Variants in BDKRB2 observed in about 807,000 individuals in gnomAD.
BDKRB2 encodes B2 bradykinin receptor.
In BDKRB2, 6 loss-of-function variants were observed where a neutral mutation model predicts 4.0. The ratio of observed to expected loss-of-function variants is 1.49; its 90% CI spans 0.81 to 2.93. The LOEUF (loss-of-function observed/expected upper bound fraction) is 2.93. BDKRB2 is among the 30% of genes most tolerant of loss of function. The probability of loss-of-function intolerance (pLI) is 0.00; values close to 1 mark genes in which losing one functional copy is unlikely to be tolerated. For synonymous variants in BDKRB2, 225 were observed against 215.3 expected, an observed-to-expected ratio of 1.05 and a Z score of -0.40; for missense variants, 478 against 520.1, an observed-to-expected ratio of 0.92 and a Z score of 0.79.
At chr14:96,226,336 G>A (rs11625552) in intron 1 of BDKRB2, among the ~76,000 whole-genome samples, 4,962 of 152,228 alleles carry the variant, frequency 0.033, 175 homozygotes, top group East Asian at 0.16. Flanking sequence ...ACCTGCAATG[G>A]AGCACTGTAG....
At chr14:96,239,182 A>C (rs910558932) in intron 2 of BDKRB2, 26 of 985,206 alleles carry the variant, frequency 2.6e-5, no homozygotes, top group Non-Finnish European at 3.1e-5. Context: ...CACTGGGAAA[A>C]TGCCCAATGA....
intron 1 of BDKRB2, among the ~76,000 whole-genome samples, chr14:96,224,887 G>A (rs746373256): frequency 1.3e-5 from 2 of 152,316 alleles, no homozygotes; most frequent in Non-Finnish European, 2.9e-5. Flanking sequence ...GAAGACAAAG[G>A]TCACATGGCT....
Position 96,237,654 on chromosome 14 carries a change from G to A in BDKRB2, c.74+473G>A. On this transcript the variant is annotated intron_variant, in intron 2 of 2. Transcript: ENST00000554311. Reference sequence around the variant, plus strand: ...CAGAGGATAGGGAGATCTGTTCTTGGGGACAGCATTTGCAAGAAACAAGGC... The same window carrying A: ...CAGAGGATAGGGAGATCTGTTCTTGAGGACAGCATTTGCAAGAAACAAGGC... The A allele has an allele frequency of 3.1e-6, 4 of 1,280,232 alleles. No individual in the cohort carries two copies. The South Asian group carries it at 3.8e-5, about 12-fold the overall frequency. The allele number at this position is 1,280,232 out of a possible 1,614,324, so 79.3% of individuals were successfully genotyped here. A position where few individuals can be genotyped will look rare whatever the true frequency, so the allele number is the denominator to read the frequency against.
intron 1 of BDKRB2, chr14:96,233,719 C>T (rs1199430796): frequency 6.6e-6 from 1 of 152,138 alleles, no homozygotes; most frequent in East Asian, 1.9e-4. Flanking sequence ...TTCAAAGGCC[C>T]TAAGGTGTGG....
chr14:96,233,444 C>G (rs1890865655), intron 1 of BDKRB2: 2 of 152,370 alleles, frequency 1.3e-5, no homozygotes, highest in Non-Finnish European at 2.9e-5. Flanking sequence ...CCTGTCGGGG[C>G]TCCTCTCAGT....
chr14:96,230,622 T>C (rs1224825838), intron 1 of BDKRB2, among the ~76,000 whole-genome samples: 26 of 2,988 alleles, frequency 8.7e-3, no homozygotes, highest in African/African-American at 0.034. Flanking sequence ...TTGCTGTAGT[T>C]TTTTTTTTTT....
intron 1 of BDKRB2, among the ~76,000 whole-genome samples, chr14:96,226,424 C>T (rs988399565): frequency 5.9e-5 from 9 of 152,120 alleles, no homozygotes; most frequent in Non-Finnish European, 1.2e-4. Context: ...GAGGCTGAGG[C>T]GGGCGGATTA....
At chr14:96,225,473 T>C (rs1890673981) in intron 1 of BDKRB2, among the ~76,000 whole-genome samples, 1 of 151,678 alleles carries the variant, frequency 6.6e-6, no homozygotes, top group African/African-American at 2.4e-5. Flanking sequence ...TTTTTGGCCC[T>C]GCCCACCATG....
intron 1 of BDKRB2, among the ~76,000 whole-genome samples, chr14:96,209,918 C>T (rs969680640): frequency 5.9e-5 from 9 of 152,140 alleles, no homozygotes; most frequent in African/African-American, 1.9e-4. Context: ...ATCATTTGAA[C>T]TCAGGAGGCA....
At chr14:96,238,556 C>T (rs1885173589) in intron 2 of BDKRB2, 2 of 985,750 alleles carry the variant, frequency 2.0e-6, no homozygotes, top group Non-Finnish European at 1.2e-6. Flanking sequence ...ACTTCCTTAG[C>T]ACCCAGTGAA....
At chr14:96,224,098 AC>A (rs1243482217) in intron 1 of BDKRB2, among the ~76,000 whole-genome samples, 3 of 151,312 alleles carry the variant, frequency 2.0e-5, no homozygotes, top group Admixed American at 6.6e-5. Flanking sequence ...TGAAATATTT[AC>A]AGATGAAATG....
In BDKRB2 at chr14:96,241,348, A is replaced by G. The variant is rs1246914507; in HGVS notation, c.1020A>G (p.Arg340=). 2.5e-6 allele frequency: 4 copies of G among 1,614,012 alleles called. No individual in the cohort carries two copies. In the South Asian group the frequency reaches 3.3e-5, roughly 13 times the overall value. Reference sequence around the variant, plus strand: ...ACGTGATCGTGGGCAAGCGCTTCCGAAAGAAGTCTTGGGAGGTGTACCAGG... The same window carrying G: ...ACGTGATCGTGGGCAAGCGCTTCCGGAAGAAGTCTTGGGAGGTGTACCAGG... ...LVYVIVGKRF[R]KKSWEVYQGV... The change falls in exon 3 of 3, where the codon CGA becomes CGG. Residue 340 remains arginine, a synonymous_variant. Coordinates refer to ENST00000554311, the MANE Select transcript of BDKRB2 (RefSeq NM_001379692.1).
intron 2 of BDKRB2, chr14:96,237,686 G>A: frequency 1.6e-6 from 2 of 1,287,902 alleles, no homozygotes; most frequent in Non-Finnish European, 1.0e-6. Flanking sequence ...AGGCTGAGGG[G>A]TCCACTCCAA....
At chr14:96,220,923 A>T (rs945038) in intron 1 of BDKRB2, among the ~76,000 whole-genome samples, 85,423 of 151,798 alleles carry the variant, frequency 0.56, 25,905 homozygotes, top group Non-Finnish European at 0.7. Flanking sequence ...CCTGTCCCCA[A>T]CTTGGGCACA....
At position 96,212,727 on chromosome 14, in the gene BDKRB2, G is replaced by A. The variant is rs952131175; in HGVS notation, c.-40+7768G>A. ...ATGCCTGGGAAACAAGATTTGCCTG[G>A]GTAGGAGTTTCCATCAGCACCCCCA... On this transcript the variant is annotated intron_variant, in intron 1 of 2. Coordinates refer to ENST00000554311, the MANE Select transcript of BDKRB2 (RefSeq NM_001379692.1). Among the ~76,000 whole-genome samples, 48 of 152,142 alleles carry A rather than the reference G, an allele frequency of 3.2e-4. 1 individual carries two copies. Among genetic ancestry groups the A allele is most frequent in the African/African-American group, 1.2e-3 (48 of 41,428 alleles).
At position 96,240,445 on chromosome 14, in the gene BDKRB2, C is replaced by T. The variant is rs201661317; in HGVS notation, c.117C>T (p.Asn39=). ...LNVTLQGPTL[N]GTFAQSKCPQ... The stretch of plus-strand genomic sequence containing the variant: ...TCACCTTGCAAGGGCCCACTCTTAA[C>T]GGGACCTTTGCCCAGAGCAAATGCC... The change falls in exon 3 of 3, where the codon AAC becomes AAT. Residue 39 remains asparagine, a synonymous_variant. Coordinates refer to ENST00000554311, the MANE Select transcript of BDKRB2 (RefSeq NM_001379692.1). 126 of 1,497,064 alleles carry T rather than the reference C, an allele frequency of 8.4e-5. No individual in the cohort carries two copies. Among genetic ancestry groups the T allele is most frequent in the Non-Finnish European group, 1.0e-4 (117 of 1,124,002 alleles). The allele number at this position is 1,497,064 out of a possible 1,614,324, so 92.7% of individuals were successfully genotyped here.
intron 1 of BDKRB2, chr14:96,211,178 G>A (rs891927171): frequency 6.6e-6 from 1 of 152,214 alleles, no homozygotes; most frequent in Non-Finnish European, 1.5e-5. Context: ...GAATCCTCTC[G>A]AGGGAAAAGA....
At chr14:96,223,126 C>A (rs1890612622) in intron 1 of BDKRB2, 3 of 1,285,252 alleles carry the variant, frequency 2.3e-6, no homozygotes, top group South Asian at 2.4e-5. Context: ...CAAACAAATT[C>A]ACTATTCGGA....
In BDKRB2 at chr14:96,206,287, C is replaced by T. The variant is rs529510297; in HGVS notation, c.-40+1328C>T. ...AGAGGAAGCATGCGTGCTGTCCCCA[C>T]AGGCAGCACCCCAGGCCTCATCCCA... On this transcript the variant is annotated intron_variant, in intron 1 of 2. Transcript: ENST00000554311. Among the ~76,000 whole-genome samples, 265 of 152,282 alleles carry T rather than the reference C, an allele frequency of 1.7e-3. 1 individual carries two copies. The highest frequency in any genetic ancestry group is 5.9e-3 in the African/African-American group (246 of 41,566).
Sources: allele counts gnomAD v4.1 joint callset (sites outside exome capture counted in the v4.1 genomes callset), GRCh38; gene constraint gnomAD v4.1.1; transcripts MANE v1.5; gene names NCBI Gene and HGNC (gene_info 2026-07-23, HGNC 2026-07-21).